COL5A1: variants seen among roughly 807,000 people sequenced by gnomAD.
COL5A1 encodes collagen alpha-1(V) chain.
COL5A1 carries 16 observed loss-of-function variants against 263.7 expected under a neutral mutation model. The observed-to-expected ratio is 0.06, with a 90% CI of 0.04 to 0.09. The LOEUF (loss-of-function observed/expected upper bound fraction) is 0.09, where lower values mean the gene tolerates loss of function less well. Ranked by LOEUF, COL5A1 falls within the 10% of genes least tolerant of loss-of-function variation. The probability of loss-of-function intolerance (pLI) is 1.00; values close to 1 mark genes in which losing one functional copy is unlikely to be tolerated. For synonymous variants in COL5A1, 1,012 were observed against 1,004.5 expected (o/e 1.01, Z -0.14); for missense variants, 2,036 against 2,540.5 (o/e 0.80, Z 4.27).
intron 42 of COL5A1, among the ~76,000 whole-genome samples, chr9:134,807,752 A>C (rs965250512): frequency 6.6e-6 from 1 of 152,230 alleles, no homozygotes; most frequent in Admixed American, 6.5e-5. Flanking sequence ...GTGTCTTCTA[A>C]TCATTTCCAG....
At position 134,794,986 on chromosome 9, in the gene COL5A1, T is replaced by G; in HGVS notation, c.2701-96T>G. ...GGCCCAGGTTCCTCCTATCCTGCTC[T>G]GAATTCACAGTCTCTCAATAACCCG... On this transcript the variant is annotated intron_variant, in intron 32 of 65. Transcript: ENST00000371817. This position sits in a 1 kb window ranked among gnomAD's most constrained non-coding sequence, Gnocchi z 4.3. 1 of 1,400,336 alleles carries G rather than the reference T, an allele frequency of 7.1e-7. No homozygotes were observed. The highest frequency in any genetic ancestry group is 1.0e-6 in the Non-Finnish European group (1 of 990,778). 86.7% of individuals were successfully genotyped at this position (1,400,336 alleles called of 1,614,324 possible).
At position 134,750,828 on chromosome 9, in the gene COL5A1, C is replaced by A. The variant is rs1270101358; in HGVS notation, c.1608C>A (p.Gly536=). Residue 536 remains glycine (G), a synonymous_variant, in exon 13 of 66, where the codon GGC becomes GGA. Coordinates refer to ENST00000371817, the MANE Select transcript of COL5A1 (RefSeq NM_000093.5). ...FGGGGDAGSK[G]PMVSAQESQA... The stretch of plus-strand genomic sequence containing the variant: ...GTGGCGGCGATGCGGGCTCCAAAGG[C>A]CCCATGGTCTCAGCCCAGGAGTCCC... The A allele has an allele frequency of 3.1e-6, 5 of 1,613,112 alleles. No individual in the cohort carries two copies. The Admixed American group carries it at 5.0e-5, about 16-fold the overall frequency.
intron 1 of COL5A1, chr9:134,653,239 G>A (rs1410000959): frequency 6.5e-6 from 1 of 153,180 alleles, no homozygotes; most frequent in Non-Finnish European, 1.5e-5. Context: ...TAGGGAGCAG[G>A]GAGACCCTGG....
intron 28 of COL5A1, among the ~76,000 whole-genome samples, chr9:134,781,857 C>T (rs1837268099): frequency 6.6e-6 from 1 of 152,226 alleles, no homozygotes; most frequent in African/African-American, 2.4e-5. Flanking sequence ...AAGCTGCCTC[C>T]CTTGCGTGTG....
intron 20 of COL5A1, among the ~76,000 whole-genome samples, chr9:134,764,683 T>C (rs190368748): frequency 5.5e-4 from 84 of 152,270 alleles, no homozygotes; most frequent in Non-Finnish European, 6.0e-4. Context: ...ATGAGAAATA[T>C]AGCAGGCACT....
At chr9:134,706,275 C>T (rs80241828) in intron 4 of COL5A1, among the ~76,000 whole-genome samples, 9,812 of 152,258 alleles carry the variant, frequency 0.064, 1,036 homozygotes, top group African/African-American at 0.22. Flanking sequence ...TCCCTAAGCC[C>T]CAGGTTTCCA....
intron 1 of COL5A1, among the ~76,000 whole-genome samples, chr9:134,663,133 C>G (rs1011164340): frequency 6.6e-6 from 1 of 152,240 alleles, no homozygotes; most frequent in African/African-American, 2.4e-5. Flanking sequence ...GTTCTCTGCA[C>G]GTTGCTGTGC....
chr9:134,824,170 C>T lies in COL5A1; in HGVS notation c.4699-430C>T, dbSNP rs186427027. Among the ~76,000 whole-genome samples the T allele has an allele frequency of 4.5e-3, 684 of 152,286 alleles. 3 individuals carry two copies. Among genetic ancestry groups the T allele is most frequent in the Non-Finnish European group, 4.7e-3 (321 of 68,012 alleles). The stretch of plus-strand genomic sequence containing the variant: ...CTCCCATCGTCATCTTAGCTGTGGC[C>T]TTCTGGAAGTGAATGGCTCTTTGCA... On this transcript the variant is annotated intron_variant, in intron 61 of 65. Transcript: ENST00000371817.
At chr9:134,831,814 C>T (rs765563828) in intron 64 of COL5A1, among the ~76,000 whole-genome samples, 2 of 152,224 alleles carry the variant, frequency 1.3e-5, no homozygotes, top group Non-Finnish European at 2.9e-5. Flanking sequence ...AGCCCATTTC[C>T]ACCTCTCGTC....
At chr9:134,737,608 G>A (rs1422918841) in intron 9 of COL5A1, among the ~76,000 whole-genome samples, 1 of 152,196 alleles carries the variant, frequency 6.6e-6, no homozygotes, top group Non-Finnish European at 1.5e-5. Flanking sequence ...GGCATTGGGG[G>A]TGCCTGACCC....
chr9:134,720,616 G>A (rs1213986409), intron 4 of COL5A1, among the ~76,000 whole-genome samples: 6 of 152,202 alleles, frequency 3.9e-5, no homozygotes, highest in African/African-American at 1.4e-4. Flanking sequence ...GAGGGCACCA[G>A]GGCAGAGTTC....
In COL5A1 at chr9:134,708,758, T is replaced by C. The variant is rs1300415610; in HGVS notation, c.654+7425T>C. 4 of 475,514 alleles carry C rather than the reference T, an allele frequency of 8.4e-6. No homozygotes were observed. In the Admixed American group the frequency reaches 9.0e-5, roughly 11 times the overall value. The allele number at this position is 475,514 out of a possible 1,614,324, so 29.5% of individuals were successfully genotyped here. On this transcript the variant is annotated intron_variant, in intron 4 of 65. Coordinates refer to ENST00000371817, the MANE Select transcript of COL5A1 (RefSeq NM_000093.5). Reference sequence around the variant, plus strand: ...ATCTCCTGGGACTGCTGCAACCAACTGTCACAGCCCGGTGGCAAACAGCAG... The same window carrying C: ...ATCTCCTGGGACTGCTGCAACCAACCGTCACAGCCCGGTGGCAAACAGCAG...
chr9:134,701,341 G>A lies in COL5A1; in HGVS notation c.654+8G>A. 1 of 1,613,000 alleles carries A rather than the reference G, an allele frequency of 6.2e-7. No individual in the cohort carries two copies. Among genetic ancestry groups the A allele is most frequent in the East Asian group, 2.2e-5 (1 of 44,798 alleles). On this transcript the variant is annotated splice_region_variant and intron_variant, in intron 4 of 65. Coordinates refer to ENST00000371817, the MANE Select transcript of COL5A1 (RefSeq NM_000093.5). ...GATGAGGAGGTGTTTGAGGTGAGCAGGAGGGCAGACCAACCCCTGTGCCCA... is the reference window on the plus strand; with the variant it reads ...GATGAGGAGGTGTTTGAGGTGAGCAAGAGGGCAGACCAACCCCTGTGCCCA...
intron 25 of COL5A1, among the ~76,000 whole-genome samples, chr9:134,768,684 G>T (rs900353104): frequency 6.6e-6 from 1 of 152,222 alleles, no homozygotes; most frequent in Non-Finnish European, 1.5e-5. Flanking sequence ...GCGATTGCGC[G>T]AGTAGGAATA....
At position 134,642,040 on chromosome 9, in the gene COL5A1, A is replaced by G. The variant is rs1386389893; in HGVS notation, c.-148A>G. ...CCCTTCCAGAACAGCCGCCGCCACAAAGAAGAACGGGGGGTGCCGAGGTCC... is the reference window on the plus strand; with the variant it reads ...CCCTTCCAGAACAGCCGCCGCCACAGAGAAGAACGGGGGGTGCCGAGGTCC... On this transcript the variant is annotated 5_prime_UTR_variant, in exon 1 of 66. Coordinates refer to ENST00000371817, the MANE Select transcript of COL5A1 (RefSeq NM_000093.5). The surrounding 1 kb of genome is among the most constrained non-coding windows in gnomAD (Gnocchi z 4.5). 3 of 680,814 alleles carry G rather than the reference A, an allele frequency of 4.4e-6. No individual in the cohort carries two copies. Among genetic ancestry groups the G allele is most frequent in the African/African-American group, 3.7e-5 (2 of 53,698 alleles). The allele number at this position is 680,814 out of a possible 1,614,324, so 42.2% of individuals were successfully genotyped here.
intron 36 of COL5A1, 119 bp from the exon 37 acceptor site, chr9:134,798,289 C>T: frequency 1.1e-6 from 1 of 921,442 alleles, no homozygotes; most frequent in South Asian, 1.4e-5. Flanking sequence ...TTGCTTTTCT[C>T]AGAGGATGTG....
intron 28 of COL5A1, among the ~76,000 whole-genome samples, chr9:134,780,710 G>C (rs1459830784): frequency 6.6e-6 from 1 of 152,250 alleles, no homozygotes; most frequent in Non-Finnish European, 1.5e-5. Context: ...ATGCATGCCT[G>C]CCAGAGTCAG....
Position 134,811,495 on chromosome 9 carries a change from G to A in COL5A1, c.3586G>A (p.Ala1196Thr). 1 of 1,613,414 alleles carries A rather than the reference G, an allele frequency of 6.2e-7. No homozygotes were observed. The highest frequency in any genetic ancestry group is 8.5e-7 in the Non-Finnish European group (1 of 1,179,658). The change falls in exon 46 of 66, where the codon GCT becomes ACT. Residue 1196 changes from alanine to threonine, a missense_variant. Physicochemically the swap from Ala to Thr is moderately conservative, Grantham distance 58 (BLOSUM62 0). Transcript: ENST00000371817. ...ATGGCCGGTTATTTCCCTGCAGGGA[G>A]CTGACGGCGAGCCGGGGCCTCGGGG... ...GPIGQPGPSG[A>T]DGEPGPRGQQ...
At chr9:134,714,764 T>G in intron 4 of COL5A1, among the ~76,000 whole-genome samples, 1 of 140,186 alleles carries the variant, frequency 7.1e-6, no homozygotes, top group Admixed American at 7.1e-5. Context: ...TGTGATGGTG[T>G]GATGCTGGTG....
Sources: gnomAD v4.1 joint callset for allele counts (sites outside exome capture counted in the v4.1 genomes callset) on GRCh38, gnomAD v4.1.1 for gene constraint, Gnocchi (gnomAD v3.1) non-coding constraint, MANE v1.5 for transcripts, NCBI Gene and HGNC (gene_info 2026-07-23, HGNC 2026-07-21) for gene names.